Variants in GNA14 observed in about 807,000 individuals in gnomAD.
The protein encoded by GNA14 is G protein subunit alpha 14.
In GNA14, 50 loss-of-function variants were observed where a neutral mutation model predicts 42.0. That is an observed-to-expected ratio of 1.19 (90% CI 0.95 to 1.51). The LOEUF is 1.51. GNA14 is among the 40% of genes most tolerant of loss of function. The pLI is 0.00. For synonymous variants in GNA14, 173 were observed against 163.1 expected, an observed-to-expected ratio of 1.06 and a Z score of -0.46; for missense variants, 473 against 446.2, an observed-to-expected ratio of 1.06 and a Z score of -0.54.
intron 1 of GNA14, among the ~76,000 whole-genome samples, chr9:77,644,530 C>A (rs1414379496): frequency 6.7e-6 from 1 of 149,944 alleles, no homozygotes; most frequent in East Asian, 2.0e-4. Context: ...CAGCTGTCTG[C>A]AAGCCAAGGA....
intron 1 of GNA14, among the ~76,000 whole-genome samples, chr9:77,626,013 T>C (rs1026815484): frequency 2.7e-5 from 4 of 150,482 alleles, no homozygotes; most frequent in African/African-American, 9.8e-5. Context: ...AAGACACACA[T>C]AGGCTCAAAA....
intron 2 of GNA14, among the ~76,000 whole-genome samples, chr9:77,499,805 ATGCCAC>A (rs1416169199): frequency 1.3e-5 from 2 of 152,080 alleles, no homozygotes; most frequent in Non-Finnish European, 2.9e-5. Context: ...GGCCGAGATC[ATGCCAC>A]TGCACTCCAG....
At chr9:77,486,218 C>T (rs1324082680) in intron 2 of GNA14, among the ~76,000 whole-genome samples, 1 of 152,214 alleles carries the variant, frequency 6.6e-6, no homozygotes, top group Non-Finnish European at 1.5e-5. Flanking sequence ...TTTCACCTTG[C>T]ACTGTTATGT....
chr9:77,599,265 A>G (rs1823515193), intron 1 of GNA14, among the ~76,000 whole-genome samples: 1 of 152,344 alleles, frequency 6.6e-6, no homozygotes, highest in African/African-American at 2.4e-5. Context: ...AAGCACTGCT[A>G]TTAACATCTT....
intron 1 of GNA14, among the ~76,000 whole-genome samples, chr9:77,581,845 T>C (rs1823229243): frequency 1.3e-5 from 2 of 152,148 alleles, no homozygotes; most frequent in African/African-American, 4.8e-5. Context: ...CTCTGCCACC[T>C]TAAATAAATA....
intron 2 of GNA14, among the ~76,000 whole-genome samples, chr9:77,485,180 A>G (rs1346437116): frequency 6.6e-6 from 1 of 152,226 alleles, no homozygotes; most frequent in African/African-American, 2.4e-5. Flanking sequence ...CTATTTTATC[A>G]ACTAAACTTA....
chr9:77,539,452 A>G (rs555182708), intron 1 of GNA14, among the ~76,000 whole-genome samples: 1 of 152,290 alleles, frequency 6.6e-6, no homozygotes, highest in South Asian at 2.1e-4. Flanking sequence ...CATCAGGGAT[A>G]TTCGCCTGTT....
At position 77,424,183 on chromosome 9, in the gene GNA14, C is replaced by G; in HGVS notation, c.878-14G>C. On this transcript the variant is annotated splice_polypyrimidine_tract_variant and intron_variant, in intron 6 of 6. Coordinates refer to ENST00000341700, the MANE Select transcript of GNA14 (RefSeq NM_004297.4). ...CCTGTTTCGGTCCTAGTCACAAGTG[C>G]AATTACAGGAATAAAGACACAGACT... 7 of 1,578,456 alleles carry G rather than the reference C, an allele frequency of 4.4e-6. No individual in the cohort carries two copies. Among genetic ancestry groups the G allele is most frequent in the Non-Finnish European group, 6.1e-6 (7 of 1,154,834 alleles).
At chr9:77,508,849 T>C (rs11788546) in intron 2 of GNA14, among the ~76,000 whole-genome samples, 33,183 of 152,110 alleles carry the variant, frequency 0.22, 3,904 homozygotes, top group East Asian at 0.46. Flanking sequence ...AAGGGGCTCC[T>C]ATTGGCCAAT....
chr9:77,550,583 T>C (rs1554697707), intron 1 of GNA14, among the ~76,000 whole-genome samples: 1 of 152,222 alleles, frequency 6.6e-6, no homozygotes, highest in Non-Finnish European at 1.5e-5. Context: ...ACACACTCAT[T>C]ATCATAAAAT....
Position 77,644,437 on chromosome 9 carries a change from CAAAAAAAAAAAAAA to C in GNA14, c.124+3219_124+3232del, listed in dbSNP as rs764737417. Reference sequence around the variant, plus strand: ...TACTGAACTCCAACCTAAAGAGTGTCAAAAAAAAAAAAAAAAAAAAAAAAAAAGACACAGGAATG... The same window carrying C: ...TACTGAACTCCAACCTAAAGAGTGTCAAAAAAAAAAAAAGACACAGGAATG... On this transcript the variant is annotated intron_variant, in intron 1 of 6. Coordinates refer to ENST00000341700, the MANE Select transcript of GNA14 (RefSeq NM_004297.4). Among the ~76,000 whole-genome samples the C allele has an allele frequency of 1.5e-4, 5 of 34,012 alleles. 1 individual carries two copies. The highest frequency in any genetic ancestry group is 1.7e-3 in the South Asian group (1 of 576). The allele number at this position is 34,012 out of a possible 152,430, so 22.3% of individuals were successfully genotyped here.
chr9:77,499,405 T>C (rs1456534214), intron 2 of GNA14, among the ~76,000 whole-genome samples: 1 of 149,816 alleles, frequency 6.7e-6, no homozygotes, highest in African/African-American at 2.5e-5. Context: ...AAAAAAAAAC[T>C]GATGACCATA....
intron 1 of GNA14, among the ~76,000 whole-genome samples, chr9:77,579,560 G>A (rs749596640): frequency 6.6e-6 from 1 of 152,128 alleles, no homozygotes; most frequent in Non-Finnish European, 1.5e-5. Flanking sequence ...CTTGATGTCT[G>A]CAAGTCCCTG....
intron 2 of GNA14, among the ~76,000 whole-genome samples, chr9:77,506,359 T>C (rs990510682): frequency 3.3e-5 from 5 of 151,876 alleles, no homozygotes; most frequent in Non-Finnish European, 7.4e-5. Flanking sequence ...AACATCATCA[T>C]TTCAACATGC....
At chr9:77,574,822 A>G (rs1020526269) in intron 1 of GNA14, among the ~76,000 whole-genome samples, 2 of 152,224 alleles carry the variant, frequency 1.3e-5, no homozygotes, top group African/African-American at 4.8e-5. Context: ...ACAACAAAAG[A>G]AGAGAAACAG....
chr9:77,640,892 A>C (rs1824248085), intron 1 of GNA14, among the ~76,000 whole-genome samples: 1 of 147,428 alleles, frequency 6.8e-6, no homozygotes, highest in Non-Finnish European at 1.5e-5. Context: ...AAAAAAAAAA[A>C]CAACAGACAG....
intron 2 of GNA14, among the ~76,000 whole-genome samples, chr9:77,476,568 G>A (rs1262501702): frequency 6.6e-6 from 1 of 152,192 alleles, no homozygotes; most frequent in African/African-American, 2.4e-5. Flanking sequence ...AAAAGAATAA[G>A]GGCCATACTG....
chr9:77,532,865 TG>T (rs1165160193), intron 1 of GNA14, among the ~76,000 whole-genome samples: 1 of 152,172 alleles, frequency 6.6e-6, no homozygotes, highest in Non-Finnish European at 1.5e-5. Context: ...ACCCTCACCC[TG>T]GCAGCAGCTT....
chr9:77,510,785 G>A (rs1837152630), intron 2 of GNA14, among the ~76,000 whole-genome samples: 1 of 152,230 alleles, frequency 6.6e-6, no homozygotes, highest in African/African-American at 2.4e-5. Context: ...TTAGGAGGCA[G>A]CTCCCAGAAC....
Sources: allele counts gnomAD v4.1 joint callset (sites outside exome capture counted in the v4.1 genomes callset), GRCh38; gene constraint gnomAD v4.1.1; transcripts MANE v1.5; gene names NCBI Gene and HGNC (gene_info 2026-07-23, HGNC 2026-07-21).